The following ASIC2 variants were observed in gnomAD, a reference collection of about 807,000 sequenced individuals.
ASIC2 encodes the protein acid-sensing ion channel 2.
In ASIC2, 25 loss-of-function variants were observed where a neutral mutation model predicts 57.3. That is an observed-to-expected ratio of 0.44 (90% CI 0.32 to 0.61). The LOEUF (loss-of-function observed/expected upper bound fraction) is 0.61, where lower values mean the gene tolerates loss of function less well. Among genes scored for constraint, ASIC2 ranks in the 20% least tolerant of loss-of-function variants. The pLI is 0.06. For synonymous variants in ASIC2, 319 were observed against 307.5 expected (o/e 1.04, Z -0.39); for missense variants, 641 against 738.1 (o/e 0.87, Z 1.52).
At chr17:34,083,468 T>C (rs889037730) in intron 1 of ASIC2, among the ~76,000 whole-genome samples, 1 of 151,748 alleles carries the variant, frequency 6.6e-6, no homozygotes, top group African/African-American at 2.4e-5. Flanking sequence ...TTGTGAATAG[T>C]GCCACAATAA....
chr17:33,677,452 A>G (rs939254664), intron 1 of ASIC2, among the ~76,000 whole-genome samples: 1 of 152,244 alleles, frequency 6.6e-6, no homozygotes, highest in South Asian at 2.1e-4. Flanking sequence ...ATAAAGCTAT[A>G]GCTGCCATAG....
intron 1 of ASIC2, among the ~76,000 whole-genome samples, chr17:33,203,327 G>A (rs1348956701): frequency 6.6e-6 from 1 of 152,128 alleles, no homozygotes; most frequent in East Asian, 1.9e-4. Context: ...ATTTTTTTAG[G>A]CATTCTGGGT....
At chr17:33,992,886 T>G (rs532946701) in intron 1 of ASIC2, among the ~76,000 whole-genome samples, 12 of 152,160 alleles carry the variant, frequency 7.9e-5, no homozygotes, top group Non-Finnish European at 1.2e-4. Flanking sequence ...TCAAGCAGGC[T>G]GAATGCTATG....
chr17:33,909,408 C>T (rs1456968524), intron 1 of ASIC2, among the ~76,000 whole-genome samples: 1 of 152,206 alleles, frequency 6.6e-6, no homozygotes, highest in Non-Finnish European at 1.5e-5. Flanking sequence ...AGTTGGCAGG[C>T]ACACTTCTCA....
chr17:33,429,482 C>T (rs1201854693), intron 1 of ASIC2, among the ~76,000 whole-genome samples: 3 of 152,184 alleles, frequency 2.0e-5, no homozygotes, highest in African/African-American at 4.8e-5. Flanking sequence ...GCTCCATCTC[C>T]TGGGTTCACG....
intron 1 of ASIC2, among the ~76,000 whole-genome samples, chr17:33,837,738 C>A (rs960600595): frequency 6.6e-6 from 1 of 152,132 alleles, no homozygotes; most frequent in South Asian, 2.1e-4. Flanking sequence ...AAAAACAAAA[C>A]CCCTTTAGTG....
chr17:33,652,004 G>T (rs1245319815), intron 1 of ASIC2, among the ~76,000 whole-genome samples: 2 of 152,108 alleles, frequency 1.3e-5, no homozygotes, highest in African/African-American at 4.8e-5. Flanking sequence ...ATGTGCATGC[G>T]TGTGTGTGTG....
chr17:33,241,957 AC>A (rs1908521171), intron 1 of ASIC2, among the ~76,000 whole-genome samples: 1 of 152,180 alleles, frequency 6.6e-6, no homozygotes, highest in South Asian at 2.1e-4. Flanking sequence ...TAAATGGAAA[AC>A]CCAATCTCAA....
intron 1 of ASIC2, among the ~76,000 whole-genome samples, chr17:34,139,583 G>GA (rs11373076): frequency 0.76 from 115,162 of 151,956 alleles, 43,741 homozygotes; most frequent in South Asian, 0.85. Context: ...ATAATAAAAA[G>GA]AAAAATATGA....
At chr17:33,065,225 G>A (rs2092038156) in intron 3 of ASIC2, among the ~76,000 whole-genome samples, 1 of 152,138 alleles carries the variant, frequency 6.6e-6, no homozygotes, top group Non-Finnish European at 1.5e-5. Flanking sequence ...CACCCAGGCT[G>A]GAGTGCAGTG....
intron 1 of ASIC2, among the ~76,000 whole-genome samples, chr17:33,448,235 T>TCCATCAG (rs1912109412): frequency 6.6e-6 from 1 of 152,206 alleles, no homozygotes; most frequent in African/African-American, 2.4e-5. Flanking sequence ...AATCAGGCTG[T>TCCATCAG]GGCTGGGCTC....
intron 1 of ASIC2, among the ~76,000 whole-genome samples, chr17:33,921,159 T>A (rs1243371427): frequency 2.0e-5 from 3 of 152,212 alleles, no homozygotes; most frequent in Non-Finnish European, 4.4e-5. Flanking sequence ...GTATAATGGT[T>A]GATAGCATGA....
At chr17:33,568,876 G>C (rs1346574683) in intron 1 of ASIC2, among the ~76,000 whole-genome samples, 1 of 152,144 alleles carries the variant, frequency 6.6e-6, no homozygotes, top group Admixed American at 6.5e-5. Context: ...TTTTGCTAAG[G>C]GATATGGAAC....
chr17:33,739,708 G>A (rs1910035431), intron 1 of ASIC2, among the ~76,000 whole-genome samples: 1 of 151,866 alleles, frequency 6.6e-6, no homozygotes, highest in Non-Finnish European at 1.5e-5. Flanking sequence ...AGAACCCCAG[G>A]CTAGGAGAGG....
intron 1 of ASIC2, among the ~76,000 whole-genome samples, chr17:33,118,585 T>C (rs2092289497): frequency 6.6e-6 from 1 of 152,114 alleles, no homozygotes; most frequent in Non-Finnish European, 1.5e-5. Flanking sequence ...CTCTCCCACC[T>C]GGTAGTGGGG....
chr17:33,649,286 G>A (rs890216724), intron 1 of ASIC2, among the ~76,000 whole-genome samples: 6 of 152,218 alleles, frequency 3.9e-5, no homozygotes, highest in African/African-American at 1.4e-4. Flanking sequence ...GCATTGAAAT[G>A]CAGAATAAAA....
At chr17:33,493,964 C>T (rs73273248) in intron 1 of ASIC2, among the ~76,000 whole-genome samples, 1 of 152,222 alleles carries the variant, frequency 6.6e-6, no homozygotes, top group Non-Finnish European at 1.5e-5. Context: ...AGTTAAGATA[C>T]TCCTCTCAAA....
chr17:33,981,423 T>C (rs1414644636), intron 1 of ASIC2, among the ~76,000 whole-genome samples: 4 of 152,226 alleles, frequency 2.6e-5, no homozygotes, highest in Admixed American at 2.6e-4. Context: ...TCTCACTTGA[T>C]CTTCACAATG....
chr17:33,845,388 G>C (rs1377885504), intron 1 of ASIC2, among the ~76,000 whole-genome samples: 1 of 152,114 alleles, frequency 6.6e-6, no homozygotes, highest in African/African-American at 2.4e-5. Context: ...ATTTCATTGA[G>C]TGAAGGGTGC....
Sources: gnomAD v4.1 joint callset for allele counts (sites outside exome capture counted in the v4.1 genomes callset) on GRCh38, gnomAD v4.1.1 for gene constraint, MANE v1.5 for transcripts, NCBI Gene and HGNC (gene_info 2026-07-23, HGNC 2026-07-21) for gene names.